The following ANKRD30A variants were observed in gnomAD, a reference collection of about 807,000 sequenced individuals.
ANKRD30A encodes ankyrin repeat domain-containing protein 30A.
In ANKRD30A, 170 loss-of-function variants were observed where a neutral mutation model predicts 166.3. The ratio of observed to expected loss-of-function variants is 1.02; its 90% confidence interval spans 0.90 to 1.16. The LOEUF (loss-of-function observed/expected upper bound fraction) is 1.16, where lower values mean the gene tolerates loss of function less well. ANKRD30A is among the 50% of genes most tolerant of loss of function. ANKRD30A has a pLI of 0.00. For synonymous variants in ANKRD30A, 564 were observed against 508.9 expected (o/e 1.11, Z -1.46); for missense variants, 1,630 against 1,518.0 (o/e 1.07, Z -1.23).
chr10:37,166,431 A>G (rs1316639847), intron 18 of ANKRD30A, among the ~76,000 whole-genome samples, 174 bp from the exon 19 acceptor site: 4 of 151,978 alleles, frequency 2.6e-5, no homozygotes, highest in Non-Finnish European at 5.9e-5. Flanking sequence ...AGAGAGGGTT[A>G]TGTGAGGTTT....
chr10:37,143,571 T>A (rs962944466), intron 7 of ANKRD30A, among the ~76,000 whole-genome samples: 2 of 151,806 alleles, frequency 1.3e-5, no homozygotes, highest in Non-Finnish European at 2.9e-5. Flanking sequence ...GGAGAATCAC[T>A]TGAACCCAGG....
chr10:37,158,176 C>T (rs910969210), intron 13 of ANKRD30A, among the ~76,000 whole-genome samples: 2 of 152,074 alleles, frequency 1.3e-5, no homozygotes, highest in African/African-American at 4.8e-5. Flanking sequence ...ATCCTCACAG[C>T]ATGTTTGATG....
At chr10:37,247,881 CAAAAAAA>C in the ANKRD30A span, among the ~76,000 whole-genome samples, 7 of 53,192 alleles carry the variant, frequency 1.3e-4, no homozygotes, top group South Asian at 6.1e-4. Context: ...GACTCCATCT[CAAAAAAA>C]AAAAAAAAAA....
intron 31 of ANKRD30A, among the ~76,000 whole-genome samples, chr10:37,208,918 C>G (rs1564572360): frequency 6.6e-6 from 1 of 152,166 alleles, no homozygotes; most frequent in Non-Finnish European, 1.5e-5. Context: ...AACCACTGAT[C>G]TTTTTACTCT....
In ANKRD30A at chr10:37,219,723, A is replaced by T. The variant is rs369099906; in HGVS notation, c.4011A>T (p.Leu1337Phe). ...AAAATATGTGGCTTCAACAGCAATT[A>T]GTTCATGCACATAAGAAAGCTGACA... The part of the protein sequence containing the change: ...QSKNMWLQQQ[L>F]VHAHKKADNK... Residue 1337 changes from leucine to phenylalanine, a missense_variant, in exon 34 of 36, where the codon TTA becomes TTT. Coordinates refer to ENST00000361713, the MANE Select transcript of ANKRD30A (RefSeq NM_052997.3). 2 of 1,609,220 alleles carry T rather than the reference A, an allele frequency of 1.2e-6. No individual in the cohort carries two copies. Among genetic ancestry groups the T allele is most frequent in the African/African-American group, 2.7e-5 (2 of 74,524 alleles).
chr10:37,179,188 C>T (rs1427713636), intron 24 of ANKRD30A, among the ~76,000 whole-genome samples: 1 of 150,668 alleles, frequency 6.6e-6, no homozygotes, highest in African/African-American at 2.4e-5. Flanking sequence ...TTTATAAAAC[C>T]TCATTAGTAA....
At chr10:37,221,956 C>A (rs538845900) in intron 34 of ANKRD30A, among the ~76,000 whole-genome samples, 28 of 151,348 alleles carry the variant, frequency 1.9e-4, no homozygotes, top group African/African-American at 6.5e-4. Flanking sequence ...CTAGGCAATT[C>A]TTTTATTTTT....
In ANKRD30A at chr10:37,178,327, G is replaced by A. The variant is rs547102523; in HGVS notation, c.2421+2109G>A. Among the ~76,000 whole-genome samples the A allele has an allele frequency of 7.5e-4, 114 of 151,318 alleles. 4 individuals carry two copies. The highest frequency in any genetic ancestry group is 2.4e-3 in the African/African-American group (100 of 41,412). The stretch of plus-strand genomic sequence containing the variant: ...TAGGTGAGAATAAGCATATCTGCAC[G>A]GCCACACATGTATATAAATTGTCAT... On this transcript the variant is annotated intron_variant, in intron 24 of 35. Coordinates refer to ENST00000361713, the MANE Select transcript of ANKRD30A (RefSeq NM_052997.3).
chr10:37,163,043 G>T (rs143583224), intron 17 of ANKRD30A, among the ~76,000 whole-genome samples, 195 bp downstream of exon 17: 1 of 152,064 alleles, frequency 6.6e-6, no homozygotes, highest in East Asian at 1.9e-4. Flanking sequence ...TTAAAAAAAT[G>T]TAGCCTTAAT....
At chr10:37,129,829 T>TA in intron 1 of ANKRD30A, 64 bp from the exon 2 acceptor site, 2 of 923,700 alleles carry the variant, frequency 2.2e-6, no homozygotes, top group African/African-American at 3.4e-5. Context: ...TACAGTTACA[T>TA]AACTCATTGT....
chr10:37,200,790 A>G (rs994384824), intron 30 of ANKRD30A, among the ~76,000 whole-genome samples: 8 of 152,074 alleles, frequency 5.3e-5, no homozygotes, highest in African/African-American at 1.9e-4. Context: ...TCTCTTCATG[A>G]CAGGCATCAT....
At chr10:37,134,498 C>A (rs1836559120) in intron 5 of ANKRD30A, among the ~76,000 whole-genome samples, 1 of 152,212 alleles carries the variant, frequency 6.6e-6, no homozygotes, top group Non-Finnish European at 1.5e-5. Context: ...ACTGCCCCTG[C>A]AGTCTAGTAA....
the ANKRD30A span, among the ~76,000 whole-genome samples, chr10:37,253,415 G>T: frequency 6.6e-6 from 1 of 152,098 alleles, no homozygotes; most frequent in African/African-American, 2.4e-5. Flanking sequence ...TCATAGAATT[G>T]TACAACCATT....
chr10:37,145,486 ACT>A (rs1837435843), intron 8 of ANKRD30A, among the ~76,000 whole-genome samples: 1 of 138,960 alleles, frequency 7.2e-6, no homozygotes. Flanking sequence ...ACAGAGTGAG[ACT>A]CTGTCTCCAA....
At chr10:37,229,809 A>G (rs1453660760) in intron 34 of ANKRD30A, among the ~76,000 whole-genome samples, 2 of 151,832 alleles carry the variant, frequency 1.3e-5, no homozygotes, top group African/African-American at 4.8e-5. Context: ...GGTACACAGT[A>G]GGGTGTGTAT....
At chr10:37,232,697 T>TATA (rs1273812991), downstream of ANKRD30A, 1 of 78,408 alleles carries the variant, frequency 1.3e-5, no homozygotes, top group East Asian at 5.6e-4. Flanking sequence ...TATATATAAA[T>TATA]AGAGAGAGAG....
intron 34 of ANKRD30A, among the ~76,000 whole-genome samples, chr10:37,220,443 T>C (rs955422073): frequency 6.6e-6 from 1 of 151,138 alleles, no homozygotes; most frequent in African/African-American, 2.4e-5. Flanking sequence ...TTATGTATTT[T>C]AGTTGATAGA....
chr10:37,192,966 A>T, intron 25 of ANKRD30A, 98 bp from the exon 26 acceptor site: 1 of 1,480,452 alleles, frequency 6.8e-7, no homozygotes, highest in Non-Finnish European at 9.4e-7. Flanking sequence ...TTTGCAATCC[A>T]AGCATGAGGA....
chr10:37,218,356 T>G (rs1000896631), intron 33 of ANKRD30A, among the ~76,000 whole-genome samples: 4 of 150,910 alleles, frequency 2.7e-5, no homozygotes, highest in Non-Finnish European at 6.0e-5. Context: ...TTTGGTGAAG[T>G]CCTGGATGTA....
Sources: gnomAD v4.1 joint callset for allele counts (sites outside exome capture counted in the v4.1 genomes callset) on GRCh38, gnomAD v4.1.1 for gene constraint, MANE v1.5 for transcripts, NCBI Gene and HGNC (gene_info 2026-07-23, HGNC 2026-07-21) for gene names.